EYA4: variants seen among roughly 807,000 people sequenced by gnomAD.
EYA4 encodes the protein protein phosphatase EYA4.
Under a neutral mutation model 87.9 loss-of-function variants are expected in EYA4, and 31 were observed. That is an observed-to-expected ratio of 0.35 (90% CI 0.27 to 0.48). The LOEUF (loss-of-function observed/expected upper bound fraction) is 0.48. Ranked by LOEUF, EYA4 falls within the 20% of genes least tolerant of loss-of-function variation. The pLI is 0.99. For synonymous variants in EYA4, 263 were observed against 270.6 expected (o/e 0.97, Z 0.28); for missense variants, 678 against 761.4 (o/e 0.89, Z 1.29).
chr6:133,251,619 G>A (rs990525304), intron 1 of EYA4, among the ~76,000 whole-genome samples: 12 of 152,118 alleles, frequency 7.9e-5, no homozygotes, highest in Non-Finnish European at 1.3e-4. Flanking sequence ...TTCAAGCTCT[G>A]GTTATTGACA....
At chr6:133,460,504 A>G (rs1794284392) in intron 6 of EYA4, among the ~76,000 whole-genome samples, 1 of 152,134 alleles carries the variant, frequency 6.6e-6, no homozygotes, top group Non-Finnish European at 1.5e-5. Context: ...TGTAAATGTA[A>G]TTGCTACTGC....
chr6:133,446,862 A>C, intron 4 of EYA4, 108 bp downstream of exon 4: 1 of 1,059,402 alleles, frequency 9.4e-7, no homozygotes, highest in Non-Finnish European at 1.4e-6. Context: ...AATAACACAA[A>C]TCAGCATTAT....
chr6:133,344,793 C>A (rs1783071667), intron 2 of EYA4, among the ~76,000 whole-genome samples: 1 of 152,164 alleles, frequency 6.6e-6, no homozygotes, highest in South Asian at 2.1e-4. Context: ...ACCAAAGTTG[C>A]ATCTTTTCAT....
rs531393207 is a variant in EYA4 at position 133,530,308 on chromosome 6, G to T, written c.*1503G>T. Reference sequence around the variant, plus strand: ...GCGCAACGGATGGCATTCATTACAAGAAGAGCCCATCATCGTTGTGTTTGC... The same window carrying T: ...GCGCAACGGATGGCATTCATTACAATAAGAGCCCATCATCGTTGTGTTTGC... On this transcript the variant is annotated 3_prime_UTR_variant, in exon 20 of 20. Coordinates refer to ENST00000355286, the MANE Select transcript of EYA4 (RefSeq NM_004100.5). 4.1e-6 allele frequency: 4 copies of T among 985,454 alleles called. No individual in the cohort carries two copies. In the African/African-American group the frequency reaches 7.0e-5, roughly 17 times the overall value. 61.0% of individuals were successfully genotyped at this position (985,454 alleles called of 1,614,324 possible). A position where few individuals can be genotyped will look rare whatever the true frequency, so the allele number is the denominator to read the frequency against.
intron 1 of EYA4, among the ~76,000 whole-genome samples, chr6:133,265,651 C>A (rs1026058009): frequency 6.6e-6 from 1 of 151,962 alleles, no homozygotes; most frequent in Non-Finnish European, 1.5e-5. Flanking sequence ...TATTTTAGTA[C>A]CTTAGTGTGA....
chr6:133,321,198 T>G (rs1781063350), intron 2 of EYA4, among the ~76,000 whole-genome samples: 1 of 152,212 alleles, frequency 6.6e-6, no homozygotes, highest in South Asian at 2.1e-4. Context: ...TACTTAACTT[T>G]GTTTATAGTC....
intron 3 of EYA4, among the ~76,000 whole-genome samples, chr6:133,438,515 C>T (rs1309398141): frequency 6.6e-6 from 1 of 151,150 alleles, no homozygotes. Flanking sequence ...CATCAAAACC[C>T]AGCTAAGAAT....
Position 133,462,458 on chromosome 6 carries a change from C to G in EYA4, c.561C>G (p.Pro187=). The G allele has an allele frequency of 3.1e-6, 5 of 1,614,002 alleles. No homozygotes were observed. Among genetic ancestry groups the G allele is most frequent in the Non-Finnish European group, 4.2e-6 (5 of 1,179,932 alleles). ...CAGCCTACTCACAGACAGGACAGCC[C>G]TACAGCTTGCCCACTTACGGTATTT... ...VYTAYSQTGQ[P]YSLPTYDLGV... Residue 187 remains proline, a synonymous_variant, in exon 8 of 20, where the codon CCC becomes CCG. Coordinates refer to ENST00000355286, the MANE Select transcript of EYA4 (RefSeq NM_004100.5).
At position 133,457,430 on chromosome 6, in the gene EYA4, G is replaced by A. The variant is rs1049650744; in HGVS notation, c.370+782G>A. 2.0e-5 allele frequency among the ~76,000 whole-genome samples: 3 copies of A among 151,838 alleles called. No individual in the cohort carries two copies. In the East Asian group the frequency reaches 5.8e-4, roughly 29 times the overall value. On this transcript the variant is annotated intron_variant, in intron 6 of 19. Transcript: ENST00000355286. Reference sequence around the variant, plus strand: ...AAAGTATTTGTGGTAATTGAATCTCGGTTCTGTTATTCTACTTTAATACAT... The same window carrying A: ...AAAGTATTTGTGGTAATTGAATCTCAGTTCTGTTATTCTACTTTAATACAT...
At chr6:133,332,711 A>ATTTTTTTTTTTTTTTTTTTTTT (rs71003634) in intron 2 of EYA4, among the ~76,000 whole-genome samples, 3 of 124,892 alleles carry the variant, frequency 2.4e-5, no homozygotes, top group African/African-American at 6.1e-5. Context: ...GCCCAGCTAA[A>ATTTTTTTTTTTTTTTTTTTTTT]TTTTTTTTTT....
chr6:133,416,132 T>A (rs1238036221), intron 3 of EYA4, among the ~76,000 whole-genome samples: 2 of 152,130 alleles, frequency 1.3e-5, no homozygotes, highest in African/African-American at 4.8e-5. Flanking sequence ...GAAGGATGCT[T>A]GTTAAGGGAG....
Position 133,327,808 on chromosome 6 carries a change from G to A in EYA4, c.33+52995G>A, listed in dbSNP as rs544723915. Reference sequence around the variant, plus strand: ...TATAGAGACTCCTTCCTATGTTTACGGATGAGAGAGAGGAAATGATAGATG... The same window carrying A: ...TATAGAGACTCCTTCCTATGTTTACAGATGAGAGAGAGGAAATGATAGATG... On this transcript the variant is annotated intron_variant, in intron 2 of 19. Transcript: ENST00000355286. 7.2e-5 allele frequency among the ~76,000 whole-genome samples: 11 copies of A among 152,262 alleles called. No individual in the cohort carries two copies. In the South Asian group the frequency reaches 1.7e-3, roughly 23 times the overall value.
intron 17 of EYA4, among the ~76,000 whole-genome samples, chr6:133,519,030 C>T (rs1291017320): frequency 3.3e-5 from 5 of 150,856 alleles, no homozygotes; most frequent in African/African-American, 4.9e-5. Flanking sequence ...ACTAAATGCC[C>T]ACAAGAGAAA....
chr6:133,464,595 G>C (rs189861016), intron 9 of EYA4, among the ~76,000 whole-genome samples, 184 bp from the exon 10 acceptor site: 9 of 152,048 alleles, frequency 5.9e-5, no homozygotes, highest in Non-Finnish European at 7.4e-5. Flanking sequence ...AATAGGAAAG[G>C]GTTTACCAGC....
intron 2 of EYA4, among the ~76,000 whole-genome samples, chr6:133,294,021 TTTTATATATA>T (rs1229363362): frequency 2.2e-4 from 8 of 35,644 alleles, no homozygotes; most frequent in African/African-American, 8.5e-4. Flanking sequence ...CCTAGGGTGA[TTTTATATATA>T]TATATATATA....
At chr6:133,500,216 C>T (rs1797988135) in intron 13 of EYA4, among the ~76,000 whole-genome samples, 1 of 151,900 alleles carries the variant, frequency 6.6e-6, no homozygotes, top group Admixed American at 6.6e-5. Context: ...GGACCCACCT[C>T]AGATAATCCG....
intron 2 of EYA4, among the ~76,000 whole-genome samples, chr6:133,321,633 G>C (rs1781098992): frequency 6.6e-6 from 1 of 152,078 alleles, no homozygotes; most frequent in Non-Finnish European, 1.5e-5. Flanking sequence ...GTTTAAATTG[G>C]TCGATCTTGT....
Position 133,285,327 on chromosome 6 carries a change from G to A in EYA4, c.33+10514G>A, listed in dbSNP as rs184124292. Among the ~76,000 whole-genome samples, 32 of 152,204 alleles carry A rather than the reference G, an allele frequency of 2.1e-4. 2 individuals are homozygous for A. The highest frequency in any genetic ancestry group is 6.3e-4 in the African/African-American group (26 of 41,538). On this transcript the variant is annotated intron_variant, in intron 2 of 19. Transcript: ENST00000355286. ...TGTTGTGCAAAGACTCAAGAGAGGC[G>A]AGGAAGTGAGCCATGTGGATATCTG... is the stretch of plus-strand genomic sequence containing the variant.
At chr6:133,476,556 C>T (rs1053097158) in intron 11 of EYA4, among the ~76,000 whole-genome samples, 3 of 152,092 alleles carry the variant, frequency 2.0e-5, no homozygotes, top group African/African-American at 7.2e-5. Context: ...TCTCTAAGTT[C>T]ATCCTTGTTG....
Sources: gnomAD v4.1 joint callset for allele counts (sites outside exome capture counted in the v4.1 genomes callset) on GRCh38, gnomAD v4.1.1 for gene constraint, MANE v1.5 for transcripts, NCBI Gene and HGNC (gene_info 2026-07-23, HGNC 2026-07-21) for gene names.